The following ZNF429 variants were observed in gnomAD, a reference collection of about 807,000 sequenced individuals.
ZNF429 encodes zinc finger protein 429.
A neutral mutation model predicts 56.8 loss-of-function variants in ZNF429; 53 were observed. That is an observed-to-expected ratio of 0.93 (90% CI 0.75 to 1.17). The LOEUF (loss-of-function observed/expected upper bound fraction) is 1.17, where lower values mean the gene tolerates loss of function less well. Among genes scored for constraint, ZNF429 ranks in the 50% most tolerant of loss-of-function variants. The probability of loss-of-function intolerance (pLI) is 0.00; values close to 1 mark genes in which losing one functional copy is unlikely to be tolerated. For missense variants in ZNF429, 849 were observed against 788.4 expected, an observed-to-expected ratio of 1.08 and a Z score of -0.92; for synonymous variants, 278 against 264.7, an observed-to-expected ratio of 1.05 and a Z score of -0.49.
At position 21,538,301 on chromosome 19, in the gene ZNF429, AAAAG is replaced by A. The variant is rs1568436885; in HGVS notation, c.*227_*230del. ...TCAAAAAAAAAAAAAAAAAAAAAAG[AAAAG>A]AAAATTCATAGGCCAGGTATGGTGG... On this transcript the variant is annotated 3_prime_UTR_variant, in exon 4 of 4. Coordinates refer to ENST00000358491, the MANE Select transcript of ZNF429 (RefSeq NM_001001415.4). Among the ~76,000 whole-genome samples the A allele has an allele frequency of 7.3e-6, 1 of 137,216 alleles. No homozygotes were observed. The highest frequency in any genetic ancestry group is 1.6e-5 in the Non-Finnish European group (1 of 63,974). 90.0% of individuals were successfully genotyped at this position (137,216 alleles called of 152,430 possible).
chr19:21,514,943 T>C (rs1454970032), intron 1 of ZNF429, among the ~76,000 whole-genome samples: 1 of 150,910 alleles, frequency 6.6e-6, no homozygotes, highest in Non-Finnish European at 1.5e-5. Flanking sequence ...TTTTGTTTTA[T>C]TTCATTTTAT....
chr19:21,524,783 G>A (rs141006874), intron 1 of ZNF429, among the ~76,000 whole-genome samples: 30 of 152,280 alleles, frequency 2.0e-4, no homozygotes, highest in African/African-American at 7.2e-4. Flanking sequence ...GTGTCAGGAT[G>A]ATAAGAGTGG....
intron 1 of ZNF429, among the ~76,000 whole-genome samples, chr19:21,512,442 C>T (rs1016083418): frequency 1.3e-5 from 2 of 151,796 alleles, no homozygotes; most frequent in African/African-American, 4.8e-5. Context: ...GGTGGATCAC[C>T]TGAGGTCAGG....
At chr19:21,527,752 G>A (rs942461596) in intron 1 of ZNF429, among the ~76,000 whole-genome samples, 1 of 152,124 alleles carries the variant, frequency 6.6e-6, no homozygotes, top group Non-Finnish European at 1.5e-5. Context: ...GTGGCAGCAG[G>A]TAAACAGGTT....
At chr19:21,519,866 A>AT (rs33916077) in intron 1 of ZNF429, among the ~76,000 whole-genome samples, 79,904 of 144,960 alleles carry the variant, frequency 0.55, 21,975 homozygotes, top group Middle Eastern at 0.61. Flanking sequence ...GCACCCATGA[A>AT]TTTTTTTTTT....
intron 1 of ZNF429, among the ~76,000 whole-genome samples, chr19:21,524,314 C>T (rs8106433): frequency 0.16 from 24,773 of 152,130 alleles, 2,104 homozygotes; most frequent in Middle Eastern, 0.2. Context: ...CGGATCACGA[C>T]GTCAGGAGTT....
At chr19:21,529,918 C>T in intron 2 of ZNF429, 134 bp downstream of exon 2, 2 of 633,448 alleles carry the variant, frequency 3.2e-6, no homozygotes, top group Non-Finnish European at 4.8e-6. Context: ...AAGTTTGGGG[C>T]CGGGTGTCTT....
chr19:21,535,948 G>A, intron 3 of ZNF429, among the ~76,000 whole-genome samples: 46 of 152,284 alleles, frequency 3.0e-4, no homozygotes, highest in Non-Finnish European at 5.3e-4. Context: ...ATGAGGAGCT[G>A]GCAATTTACT....
chr19:21,513,795 T>A (rs182385409), intron 1 of ZNF429, among the ~76,000 whole-genome samples: 13 of 152,050 alleles, frequency 8.5e-5, no homozygotes, highest in Admixed American at 7.9e-4. Flanking sequence ...GAGGGAACGA[T>A]CTCTGATGAC....
At chr19:21,522,795 C>T (rs2033029624) in intron 1 of ZNF429, among the ~76,000 whole-genome samples, 1 of 151,930 alleles carries the variant, frequency 6.6e-6, no homozygotes, top group African/African-American at 2.4e-5. Flanking sequence ...TACTTGGAGG[C>T]CGAGACAGGA....
At chr19:21,505,981 G>C in intron 1 of ZNF429, 1 of 483,784 alleles carries the variant, frequency 2.1e-6, no homozygotes, top group South Asian at 2.0e-5. Flanking sequence ...TCTTCCCTCC[G>C]CAGTGACTGT....
Position 21,537,316 on chromosome 19 carries a change from A to G in ZNF429, c.1263A>G (p.Gly421=), listed in dbSNP as rs745393389. 2.5e-6 allele frequency: 4 copies of G among 1,613,808 alleles called. No individual in the cohort carries two copies. In the Admixed American group the frequency reaches 6.7e-5, roughly 27 times the overall value. ...CTCAAGACAAGAAAATTCATACTGG[A>G]GAGAAACCCTACAATTGTGAAGAAT... ...TLTQDKKIHT[G]EKPYNCEECG... is the part of the protein sequence containing the mutation. The change falls in exon 4 of 4, where the codon GGA becomes GGG. Residue 421 remains glycine (G), a synonymous_variant. Coordinates refer to ENST00000358491, the MANE Select transcript of ZNF429 (RefSeq NM_001001415.4).
Position 21,537,561 on chromosome 19 carries a change from A to T in ZNF429, c.1508A>T (p.His503Leu). 7 of 1,613,698 alleles carry T rather than the reference A, an allele frequency of 4.3e-6. No individual in the cohort carries two copies. The highest frequency in any genetic ancestry group is 5.9e-6 in the Non-Finnish European group (7 of 1,179,978). The change falls in exon 4 of 4, where the codon CAT becomes CTT. Residue 503 changes from histidine to leucine, a missense_variant. Transcript: ENST00000358491. ...AACCTTAACAGTCATAAAAAAATTC[A>T]TAGTGGAGAGAAACCCTACAAATGT... ...SSNLNSHKKI[H>L]SGEKPYKCEE...
At position 21,514,015 on chromosome 19, in the gene ZNF429, C is replaced by T. The variant is rs562971099; in HGVS notation, c.3+8241C>T. ...TATTCCTACTCCCAGACACAATCTG[C>T]AACAGCAACCTGTTTTTCTCCACCA... On this transcript the variant is annotated intron_variant, in intron 1 of 3. Transcript: ENST00000358491. Among the ~76,000 whole-genome samples the T allele has an allele frequency of 4.6e-4, 70 of 152,318 alleles. No homozygotes were observed. In the South Asian group the frequency reaches 0.014, roughly 31 times the overall value.
intron 1 of ZNF429, among the ~76,000 whole-genome samples, chr19:21,511,613 G>C (rs147044062): frequency 6.7e-6 from 1 of 149,194 alleles, no homozygotes; most frequent in Non-Finnish European, 1.5e-5. Flanking sequence ...AGGCAGAGGG[G>C]CTCCTCACAT....
At position 21,539,817 on chromosome 19, in the gene ZNF429, T is replaced by C. The variant is rs1046114822; in HGVS notation, c.*1739T>C. ...ATTCAAGTATCAAATTACTTCATGC[T>C]GTTTCATTGTTCCTATTCACATGTG... On this transcript the variant is annotated 3_prime_UTR_variant, in exon 4 of 4. Coordinates refer to ENST00000358491, the MANE Select transcript of ZNF429 (RefSeq NM_001001415.4). Among the ~76,000 whole-genome samples the C allele has an allele frequency of 2.0e-5, 3 of 152,138 alleles. No homozygotes were observed. Among genetic ancestry groups the C allele is most frequent in the Non-Finnish European group, 4.4e-5 (3 of 68,024 alleles).
intron 1 of ZNF429, among the ~76,000 whole-genome samples, chr19:21,516,780 G>T (rs1170368724): frequency 6.6e-6 from 1 of 152,064 alleles, no homozygotes; most frequent in Non-Finnish European, 1.5e-5. Flanking sequence ...GCTGATTTTT[G>T]TACATGTATT....
chr19:21,512,281 T>A (rs1459349171), intron 1 of ZNF429, among the ~76,000 whole-genome samples: 2 of 152,106 alleles, frequency 1.3e-5, no homozygotes, highest in Non-Finnish European at 2.9e-5. Context: ...ATCTTGGTTT[T>A]GGTGGGTTTT....
At chr19:21,521,586 C>A (rs2032986211) in intron 1 of ZNF429, 1 of 152,132 alleles carries the variant, frequency 6.6e-6, no homozygotes, top group Admixed American at 6.5e-5. Context: ...TGTATCTAAT[C>A]TGAGTTTTCT....
Sources: allele counts gnomAD v4.1 joint callset (sites outside exome capture counted in the v4.1 genomes callset), GRCh38; gene constraint gnomAD v4.1.1; transcripts MANE v1.5; gene names NCBI Gene and HGNC (gene_info 2026-07-23, HGNC 2026-07-21).